The following GRID2 variants were observed in gnomAD, a reference collection of about 807,000 sequenced individuals.
GRID2 encodes glutamate receptor ionotropic, delta-2.
GRID2 carries 33 observed loss-of-function variants against 114.8 expected under a neutral mutation model. The observed-to-expected ratio is 0.29, with a 90% confidence interval of 0.22 to 0.38. GRID2 has a LOEUF of 0.38. Among genes scored for constraint, GRID2 ranks in the 10% least tolerant of loss-of-function variants. GRID2 has a pLI of 1.00. For synonymous variants in GRID2, 505 were observed against 449.9 expected, an observed-to-expected ratio of 1.12 and a Z score of -1.55; for missense variants, 1,184 against 1,257.7, an observed-to-expected ratio of 0.94 and a Z score of 0.89.
chr4:93,631,990 C>G (rs904730963), intron 14 of GRID2, among the ~76,000 whole-genome samples: 20 of 152,004 alleles, frequency 1.3e-4, no homozygotes, highest in East Asian at 1.9e-4. Flanking sequence ...TTTTTCATGT[C>G]CCTTTTGGCT....
At chr4:92,540,749 T>C (rs1244528056) in intron 1 of GRID2, among the ~76,000 whole-genome samples, 2 of 152,142 alleles carry the variant, frequency 1.3e-5, no homozygotes, top group Admixed American at 6.5e-5. Flanking sequence ...TCCTCAGGGA[T>C]CTAGAAGTAG....
chr4:92,823,603 A>C (rs1035174379), intron 2 of GRID2, among the ~76,000 whole-genome samples: 8 of 152,158 alleles, frequency 5.3e-5, no homozygotes, highest in Non-Finnish European at 2.9e-5. Context: ...ACAATCACTG[A>C]AAAGTTCTAG....
At chr4:92,533,998 A>G (rs923584231) in intron 1 of GRID2, among the ~76,000 whole-genome samples, 6 of 152,084 alleles carry the variant, frequency 3.9e-5, no homozygotes, top group African/African-American at 1.4e-4. Flanking sequence ...TATTTAGAAG[A>G]AAATAAATCC....
chr4:93,219,334 G>A (rs2149486291), intron 6 of GRID2, among the ~76,000 whole-genome samples: 1 of 152,192 alleles, frequency 6.6e-6, no homozygotes, highest in Middle Eastern at 3.4e-3. Context: ...CAGTTGATGA[G>A]GACTTCAATA....
At chr4:93,577,376 C>A (rs576841771) in intron 13 of GRID2, among the ~76,000 whole-genome samples, 32 of 152,024 alleles carry the variant, frequency 2.1e-4, no homozygotes, top group Non-Finnish European at 4.4e-4. Context: ...GATTGAAGGA[C>A]CCTTCTAATT....
chr4:93,655,287 C>T (rs992797255), intron 14 of GRID2, among the ~76,000 whole-genome samples: 1 of 151,958 alleles, frequency 6.6e-6, no homozygotes, highest in African/African-American at 2.4e-5. Flanking sequence ...TTATTAATGC[C>T]ACAGATCAGT....
intron 1 of GRID2, among the ~76,000 whole-genome samples, chr4:92,345,582 C>T (rs1727724638): frequency 6.6e-6 from 1 of 152,090 alleles, no homozygotes; most frequent in African/African-American, 2.4e-5. Context: ...GTGTAGACAC[C>T]ACCTTTAATG....
chr4:93,426,757 A>G (rs1424597783), intron 10 of GRID2, among the ~76,000 whole-genome samples: 3 of 152,116 alleles, frequency 2.0e-5, no homozygotes, highest in Non-Finnish European at 4.4e-5. Flanking sequence ...TCATTATTGT[A>G]TGATAATTTA....
chr4:93,018,913 C>G (rs1221770927), intron 2 of GRID2, among the ~76,000 whole-genome samples: 1 of 152,032 alleles, frequency 6.6e-6, no homozygotes, highest in African/African-American at 2.4e-5. Flanking sequence ...AAGTAAAAGG[C>G]CTACTCAGAA....
chr4:93,585,364 T>C (rs1737421181), intron 13 of GRID2, among the ~76,000 whole-genome samples: 1 of 152,142 alleles, frequency 6.6e-6, no homozygotes, highest in African/African-American at 2.4e-5. Flanking sequence ...AACTTTAATT[T>C]TGCAGTTAGA....
At chr4:93,100,391 C>T (rs951017658) in intron 3 of GRID2, among the ~76,000 whole-genome samples, 1 of 151,812 alleles carries the variant, frequency 6.6e-6, no homozygotes, top group Non-Finnish European at 1.5e-5. Flanking sequence ...CAAATGCCAA[C>T]AAAATAATAA....
chr4:93,321,136 T>C (rs1757165957), intron 8 of GRID2, among the ~76,000 whole-genome samples: 1 of 151,954 alleles, frequency 6.6e-6, no homozygotes, highest in Non-Finnish European at 1.5e-5. Flanking sequence ...CCTGAAGCCA[T>C]CCACAATGGA....
At chr4:92,340,593 C>A (rs1727431297) in intron 1 of GRID2, among the ~76,000 whole-genome samples, 1 of 152,200 alleles carries the variant, frequency 6.6e-6, no homozygotes, top group African/African-American at 2.4e-5. Flanking sequence ...AACACCTACT[C>A]ATTGCTCAAA....
intron 13 of GRID2, among the ~76,000 whole-genome samples, chr4:93,579,729 G>A (rs942683692): frequency 6.6e-6 from 1 of 152,086 alleles, no homozygotes; most frequent in African/African-American, 2.4e-5. Flanking sequence ...ATGCATTGAG[G>A]CAACGCTTGC....
chr4:93,255,660 A>C (rs764455348), intron 8 of GRID2, among the ~76,000 whole-genome samples: 1 of 152,048 alleles, frequency 6.6e-6, no homozygotes, highest in Non-Finnish European at 1.5e-5. Flanking sequence ...AGGGGTTATT[A>C]TAAAGCCAAC....
chr4:92,672,681 A>G (rs1205909149), intron 2 of GRID2, among the ~76,000 whole-genome samples: 11 of 151,972 alleles, frequency 7.2e-5, no homozygotes, highest in African/African-American at 2.7e-4. Context: ...TCTTCATTAC[A>G]TTTTTTCTTC....
chr4:93,783,381 T>G (rs1381819148), intron 1 of GRID2, among the ~76,000 whole-genome samples: 1 of 152,246 alleles, frequency 6.6e-6, no homozygotes, highest in Non-Finnish European at 1.5e-5. Context: ...CAGAAATCCA[T>G]GTGCTTTCCT....
At chr4:93,483,254 T>G (rs1019709041) in intron 11 of GRID2, among the ~76,000 whole-genome samples, 5 of 152,014 alleles carry the variant, frequency 3.3e-5, no homozygotes, top group African/African-American at 1.2e-4. Context: ...TTCAGTCAGC[T>G]TGAATAATGA....
At chr4:93,492,601 T>G (rs750249213) in intron 12 of GRID2, among the ~76,000 whole-genome samples, 6 of 151,784 alleles carry the variant, frequency 4.0e-5, no homozygotes, top group Admixed American at 6.6e-5. Context: ...AAAAGTTAGG[T>G]GACTTTTGTG....
Sources: allele counts gnomAD v4.1 joint callset (sites outside exome capture counted in the v4.1 genomes callset), GRCh38; gene constraint gnomAD v4.1.1; transcripts MANE v1.5; gene names NCBI Gene and HGNC (gene_info 2026-07-23, HGNC 2026-07-21).